PCDH15: variants seen among roughly 807,000 people sequenced by gnomAD.
The protein encoded by PCDH15 is protocadherin-15.
PCDH15 carries 129 observed loss-of-function variants against 178.5 expected under a neutral mutation model. The ratio of observed to expected loss-of-function variants is 0.72; its 90% CI spans 0.63 to 0.84. PCDH15 has a LOEUF of 0.84. Among genes scored for constraint, PCDH15 ranks in the 40% least tolerant of loss-of-function variants. The probability of loss-of-function intolerance (pLI) is 0.00; values close to 1 mark genes in which losing one functional copy is unlikely to be tolerated. For missense variants in PCDH15, 2,230 were observed against 2,099.9 expected (o/e 1.06, Z -1.21); for synonymous variants, 800 against 732.0 (o/e 1.09, Z -1.50).
intron 2 of PCDH15, among the ~76,000 whole-genome samples, chr10:55,384,336 T>C (rs1837604529): frequency 6.6e-6 from 1 of 152,198 alleles, no homozygotes; most frequent in Non-Finnish European, 1.5e-5. Context: ...TCAATGTTTA[T>C]ATTTCACTTT....
chr10:54,746,365 CAT>C (rs538936570), intron 1 of PCDH15, among the ~76,000 whole-genome samples: 108 of 12,706 alleles, frequency 8.5e-3, no homozygotes, highest in Middle Eastern at 0.17. Flanking sequence ...TGGGTACAAA[CAT>C]ACAGTTAGAT....
chr10:55,417,201 G>A (rs1300650580), intron 2 of PCDH15, among the ~76,000 whole-genome samples: 1 of 151,616 alleles, frequency 6.6e-6, no homozygotes, highest in Non-Finnish European at 1.5e-5. Context: ...ATTATCCATC[G>A]CTGTGTTAGC....
chr10:53,896,476 C>T (rs2133564175), intron 26 of PCDH15, among the ~76,000 whole-genome samples: 1 of 152,282 alleles, frequency 6.6e-6, no homozygotes, highest in East Asian at 1.9e-4. Context: ...CATATTGCTT[C>T]ACTCAGTCAT....
intron 2 of PCDH15, among the ~76,000 whole-genome samples, chr10:54,559,945 A>G (rs371522097): frequency 6.6e-6 from 1 of 150,902 alleles, no homozygotes; most frequent in South Asian, 2.1e-4. Flanking sequence ...TTGTTACTCT[A>G]CACAATAATA....
At chr10:55,172,450 C>A (rs1839361497) in intron 1 of PCDH15, among the ~76,000 whole-genome samples, 1 of 141,304 alleles carries the variant, frequency 7.1e-6, no homozygotes, top group Admixed American at 7.2e-5. Context: ...TTGTTCAAAA[C>A]TAAAGTGATT....
intron 2 of PCDH15, among the ~76,000 whole-genome samples, chr10:55,165,641 T>C (rs1240804472): frequency 6.6e-6 from 1 of 152,046 alleles, no homozygotes; most frequent in African/African-American, 2.4e-5. Context: ...GCTATTCATA[T>C]ACTCGTGGAT....
chr10:55,154,059 C>A (rs1838811813), intron 2 of PCDH15, among the ~76,000 whole-genome samples: 1 of 152,110 alleles, frequency 6.6e-6, no homozygotes, highest in Non-Finnish European at 1.5e-5. Flanking sequence ...AAATGGGTCG[C>A]TCCTATACAA....
At chr10:53,843,425 A>G (rs1463083447) in intron 28 of PCDH15, among the ~76,000 whole-genome samples, 1 of 152,032 alleles carries the variant, frequency 6.6e-6, no homozygotes, top group Non-Finnish European at 1.5e-5. Context: ...CCCCACACAC[A>G]CAAAGAAAAA....
At chr10:54,108,989 G>A (rs1345153856) in intron 15 of PCDH15, among the ~76,000 whole-genome samples, 1 of 152,054 alleles carries the variant, frequency 6.6e-6, no homozygotes, top group Non-Finnish European at 1.5e-5. Context: ...AAAAAACCTT[G>A]GTCCCTGAAT....
rs373813634 is a variant in PCDH15 at position 54,304,993 on chromosome 10, G to A, written c.876+12278C>T. On this transcript the variant is annotated intron_variant, in intron 8 of 37. Transcript: ENST00000644397. Reference sequence around the variant, plus strand: ...ATAGTTGAGTAGTAATATTCTTTCAGAAAAAATCTTAATCATAAAGCCCAA... The same window carrying A: ...ATAGTTGAGTAGTAATATTCTTTCAAAAAAAATCTTAATCATAAAGCCCAA... Among the ~76,000 whole-genome samples the A allele has an allele frequency of 1.6e-3, 237 of 152,074 alleles. 1 individual carries two copies. The highest frequency in any genetic ancestry group is 3.4e-3 in the African/African-American group (142 of 41,536).
At chr10:54,725,967 C>G (rs989255340) in intron 1 of PCDH15, among the ~76,000 whole-genome samples, 2 of 151,694 alleles carry the variant, frequency 1.3e-5, no homozygotes, top group Non-Finnish European at 1.5e-5. Flanking sequence ...TAAGCAGGTA[C>G]CTGTCTAAAT....
At chr10:54,150,431 TC>T (rs1038297241) in intron 14 of PCDH15, among the ~76,000 whole-genome samples, 1 of 151,934 alleles carries the variant, frequency 6.6e-6, no homozygotes, top group African/African-American at 2.4e-5. Flanking sequence ...TCTTGAGACT[TC>T]CTTTTTTTTT....
chr10:54,191,329 A>C (rs961276582), intron 11 of PCDH15, among the ~76,000 whole-genome samples: 2 of 152,198 alleles, frequency 1.3e-5, no homozygotes, highest in African/African-American at 4.8e-5. Flanking sequence ...AATACCGTGG[A>C]AAGATTCTCG....
In PCDH15 at chr10:53,805,073, G is replaced by A. The variant is rs939641078; in HGVS notation, c.*1506C>T. 5 of 151,750 alleles carry A rather than the reference G, an allele frequency of 3.3e-5. No homozygotes were observed. Among genetic ancestry groups the A allele is most frequent in the African/African-American group, 4.8e-5 (2 of 41,314 alleles). 9.4% of individuals were successfully genotyped at this position (151,750 alleles called of 1,614,324 possible). On this transcript the variant is annotated 3_prime_UTR_variant, in exon 38 of 38. Transcript: ENST00000644397. The stretch of plus-strand genomic sequence containing the variant: ...TAAAAACATACTACTCTTACAAGTC[G>A]GCAAGTTTATGTCAGTACAATTCAT...
chr10:54,773,128 G>GAATA (rs1366862076), intron 1 of PCDH15, among the ~76,000 whole-genome samples: 1 of 152,036 alleles, frequency 6.6e-6, no homozygotes, highest in Non-Finnish European at 1.5e-5. Context: ...ACATCAGGAA[G>GAATA]AATAGCTAAT....
At chr10:54,752,279 A>C (rs1423849561) in intron 1 of PCDH15, among the ~76,000 whole-genome samples, 1 of 151,406 alleles carries the variant, frequency 6.6e-6, no homozygotes, top group Non-Finnish European at 1.5e-5. Context: ...GATGGAGACC[A>C]TCCTGGCTAA....
intron 4 of PCDH15, 60 bp downstream of exon 4, chr10:54,378,722 C>A: frequency 6.5e-7 from 1 of 1,534,286 alleles, no homozygotes; most frequent in Non-Finnish European, 9.0e-7. Flanking sequence ...TAAACACACA[C>A]ATAGACATTT....
At chr10:54,709,935 C>A (rs930543893) in intron 1 of PCDH15, among the ~76,000 whole-genome samples, 5 of 141,456 alleles carry the variant, frequency 3.5e-5, no homozygotes, top group Admixed American at 1.4e-4. Context: ...TTTTTAACAC[C>A]TTTATGTATA....
At chr10:54,784,217 G>A (rs1275683641) in intron 1 of PCDH15, among the ~76,000 whole-genome samples, 3 of 151,532 alleles carry the variant, frequency 2.0e-5, no homozygotes, top group Non-Finnish European at 4.4e-5. Context: ...GAGGACACAC[G>A]GCCTAACCAT....
Sources: allele counts gnomAD v4.1 joint callset (sites outside exome capture counted in the v4.1 genomes callset), GRCh38; gene constraint gnomAD v4.1.1; transcripts MANE v1.5; gene names NCBI Gene and HGNC (gene_info 2026-07-23, HGNC 2026-07-21).